BCAS4: variants seen among roughly 807,000 people sequenced by gnomAD.
BCAS4 encodes the protein breast carcinoma amplified sequence 4, also known as breast carcinoma-amplified sequence 4.
BCAS4 carries 9 observed loss-of-function variants against 15.7 expected under a neutral mutation model. That is an observed-to-expected ratio of 0.57 (90% CI 0.34 to 1.00). The LOEUF (loss-of-function observed/expected upper bound fraction) is 1.00, where lower values mean the gene tolerates loss of function less well. Ranked by LOEUF, BCAS4 falls within the 50% of genes least tolerant of loss-of-function variation. The pLI is 0.02. For missense variants in BCAS4, 225 were observed against 239.1 expected (o/e 0.94, Z 0.39); for synonymous variants, 101 against 99.5 (o/e 1.02, Z -0.09).
intron 1 of BCAS4, among the ~76,000 whole-genome samples, chr20:50,803,831 A>G (rs1228037874): frequency 6.6e-6 from 1 of 151,742 alleles, no homozygotes; most frequent in African/African-American, 2.4e-5. Context: ...GAGAGAGAAA[A>G]ATACTGATTG....
intron 3 of BCAS4, among the ~76,000 whole-genome samples, chr20:50,838,392 G>A (rs1424610871): frequency 1.3e-5 from 2 of 152,204 alleles, no homozygotes; most frequent in Non-Finnish European, 2.9e-5. Context: ...ATGAGATCAG[G>A]TGCTCAGGGA....
chr20:50,807,718 G>A (rs774574100), intron 1 of BCAS4, among the ~76,000 whole-genome samples: 4 of 151,890 alleles, frequency 2.6e-5, no homozygotes, highest in African/African-American at 7.3e-5. Flanking sequence ...ATGCCTTTGC[G>A]TCCTCATAGC....
chr20:50,826,417 G>A (rs1263632350), intron 2 of BCAS4, among the ~76,000 whole-genome samples: 1 of 152,168 alleles, frequency 6.6e-6, no homozygotes, highest in African/African-American at 2.4e-5. Context: ...CATTGCCAAA[G>A]CTGCTGACTT....
intron 3 of BCAS4, chr20:50,832,974 C>G (rs2088362685): frequency 6.6e-6 from 1 of 152,232 alleles, no homozygotes; most frequent in South Asian, 2.1e-4. Flanking sequence ...TCTTTGGGAG[C>G]CATCGTTCTG....
Position 50,818,193 on chromosome 20 carries a change from A to T in BCAS4, c.91-18A>T. The T allele has an allele frequency of 6.2e-7, 1 of 1,612,634 alleles. No homozygotes were observed. Among genetic ancestry groups the T allele is most frequent in the Non-Finnish European group, 8.5e-7 (1 of 1,179,304 alleles). On this transcript the variant is annotated intron_variant, in intron 1 of 4. Transcript: ENST00000371608. ...TGGAAACCACTTGCTAATCTCCAGG[A>T]TATCGTCTCTTTTTCAGGCGAAGGA...
At chr20:50,839,657 C>T (rs960410689) in intron 3 of BCAS4, among the ~76,000 whole-genome samples, 1 of 152,208 alleles carries the variant, frequency 6.6e-6, no homozygotes, top group African/African-American at 2.4e-5. Flanking sequence ...CATGCACCAC[C>T]ACACTCGGCT....
At chr20:50,861,247 G>A (rs946135033) in intron 4 of BCAS4, among the ~76,000 whole-genome samples, 1 of 152,206 alleles carries the variant, frequency 6.6e-6, no homozygotes, top group Non-Finnish European at 1.5e-5. Flanking sequence ...AGCGAATGGG[G>A]CAGACGAGTT....
At chr20:50,821,859 G>C (rs1011021625) in intron 2 of BCAS4, among the ~76,000 whole-genome samples, 1 of 152,116 alleles carries the variant, frequency 6.6e-6, no homozygotes, top group Non-Finnish European at 1.5e-5. Flanking sequence ...TTTAACATTT[G>C]ATATAATGCC....
intron 4 of BCAS4, among the ~76,000 whole-genome samples, chr20:50,857,332 T>C (rs1269296632): frequency 1.3e-5 from 2 of 152,138 alleles, no homozygotes; most frequent in Non-Finnish European, 2.9e-5. Context: ...GGTTTCTCCA[T>C]GCTGGTCAGA....
At chr20:50,825,167 A>G (rs993575659) in intron 2 of BCAS4, among the ~76,000 whole-genome samples, 1 of 152,200 alleles carries the variant, frequency 6.6e-6, no homozygotes, top group Non-Finnish European at 1.5e-5. Flanking sequence ...GTGAGAGTTC[A>G]TGGAGTGTGC....
intron 4 of BCAS4, among the ~76,000 whole-genome samples, chr20:50,862,097 T>C (rs2123837365): frequency 6.6e-6 from 1 of 152,152 alleles, no homozygotes; most frequent in East Asian, 1.9e-4. Context: ...TTCCTGAGCT[T>C]AAGCTATCCT....
chr20:50,874,494 C>T (rs539436592), intron 4 of BCAS4, among the ~76,000 whole-genome samples: 4 of 152,314 alleles, frequency 2.6e-5, no homozygotes, highest in Non-Finnish European at 4.4e-5. Flanking sequence ...GCCATCAGCC[C>T]GCATCATAGG....
At chr20:50,863,862 C>T (rs559293463) in intron 4 of BCAS4, among the ~76,000 whole-genome samples, 3 of 152,140 alleles carry the variant, frequency 2.0e-5, no homozygotes, top group South Asian at 2.1e-4. Context: ...GGTTTGTTGC[C>T]CTGGGCTACG....
In BCAS4 at chr20:50,800,623, G is replaced by A. The variant is rs190675403; in HGVS notation, c.90+5450G>A. On this transcript the variant is annotated intron_variant, in intron 1 of 4. Transcript: ENST00000371608. The stretch of plus-strand genomic sequence containing the variant: ...GTCACCCAGGCTGGAGTGCAGTGGC[G>A]CAAACTCAGCTCACTGCAACCTCCG... Among the ~76,000 whole-genome samples the A allele has an allele frequency of 2.0e-4, 29 of 144,004 alleles. No individual in the cohort carries two copies. The East Asian group carries it at 5.9e-3, about 29-fold the overall frequency. 94.5% of individuals were successfully genotyped at this position (144,004 alleles called of 152,430 possible). A position where few individuals can be genotyped will look rare whatever the true frequency, so the allele number is the denominator to read the frequency against.
chr20:50,847,674 T>G (rs2088562694), intron 4 of BCAS4, among the ~76,000 whole-genome samples: 1 of 152,216 alleles, frequency 6.6e-6, no homozygotes, highest in East Asian at 1.9e-4. Context: ...ACATATTGCC[T>G]TGGTAGAGAG....
chr20:50,858,578 G>A (rs1212286150), intron 4 of BCAS4, among the ~76,000 whole-genome samples: 1 of 151,954 alleles, frequency 6.6e-6, no homozygotes, highest in East Asian at 1.9e-4. Flanking sequence ...CTCCAGCCTG[G>A]GTGACTGAGT....
chr20:50,863,528 A>G (rs1979201409), intron 4 of BCAS4, among the ~76,000 whole-genome samples: 1 of 152,026 alleles, frequency 6.6e-6, no homozygotes, highest in African/African-American at 2.4e-5. Context: ...AAAGTGCTGG[A>G]ATTATATTCA....
intron 4 of BCAS4, among the ~76,000 whole-genome samples, chr20:50,859,019 G>C (rs915495399): frequency 6.6e-6 from 1 of 151,584 alleles, no homozygotes; most frequent in South Asian, 2.1e-4. Flanking sequence ...CTGCAGCCTT[G>C]ACCTCCTGGG....
chr20:50,847,642 A>C (rs2088562324), intron 4 of BCAS4, among the ~76,000 whole-genome samples: 1 of 152,214 alleles, frequency 6.6e-6, no homozygotes, highest in Non-Finnish European at 1.5e-5. Flanking sequence ...TGAGGATATG[A>C]ATCCACGTTC....
Sources: allele counts gnomAD v4.1 joint callset (sites outside exome capture counted in the v4.1 genomes callset), GRCh38; gene constraint gnomAD v4.1.1; transcripts MANE v1.5; gene names NCBI Gene and HGNC (gene_info 2026-07-23, HGNC 2026-07-21).